NPAS3: variants seen among roughly 807,000 people sequenced by gnomAD.
The protein encoded by NPAS3 is neuronal PAS domain-containing protein 3.
NPAS3 carries 14 observed loss-of-function variants against 73.1 expected under a neutral mutation model. The observed-to-expected ratio is 0.19, with a 90% CI of 0.13 to 0.30. The LOEUF (loss-of-function observed/expected upper bound fraction) is 0.30. Ranked by LOEUF, NPAS3 falls within the 10% of genes least tolerant of loss-of-function variation. The pLI, the probability that NPAS3 is intolerant of heterozygous loss-of-function variation, is 1.00. For missense variants in NPAS3, 1,096 were observed against 1,250.0 expected (o/e 0.88, Z 1.86); for synonymous variants, 620 against 541.5 (o/e 1.14, Z -2.01).
At chr14:33,660,965 T>C (rs2059288427) in intron 5 of NPAS3, among the ~76,000 whole-genome samples, 1 of 152,204 alleles carries the variant, frequency 6.6e-6, no homozygotes, top group Non-Finnish European at 1.5e-5. Flanking sequence ...AGCTGATATG[T>C]GTTAAGAGTC....
chr14:33,115,958 A>G (rs1874139701), intron 2 of NPAS3, among the ~76,000 whole-genome samples: 1 of 151,868 alleles, frequency 6.6e-6, no homozygotes, highest in Non-Finnish European at 1.5e-5. Flanking sequence ...ATTTTGGGAG[A>G]CTCCAAGGTC....
chr14:33,272,853 C>T (rs113317265), intron 3 of NPAS3, among the ~76,000 whole-genome samples: 484 of 152,282 alleles, frequency 3.2e-3, no homozygotes, highest in African/African-American at 0.011. Flanking sequence ...GGTAGTGATA[C>T]TGACAGTTTT....
intron 4 of NPAS3, among the ~76,000 whole-genome samples, chr14:33,496,228 T>C (rs947828900): frequency 6.6e-6 from 1 of 151,882 alleles, no homozygotes; most frequent in Non-Finnish European, 1.5e-5. Flanking sequence ...CCAAAAAAAG[T>C]CCAGGACCGG....
At chr14:33,208,069 T>A (rs2046896770) in intron 2 of NPAS3, among the ~76,000 whole-genome samples, 1 of 151,248 alleles carries the variant, frequency 6.6e-6, no homozygotes, top group Non-Finnish European at 1.5e-5. Flanking sequence ...AAAGTGCAAT[T>A]TATTGGGTGG....
At chr14:33,504,910 A>G (rs901911139) in intron 4 of NPAS3, among the ~76,000 whole-genome samples, 1 of 152,050 alleles carries the variant, frequency 6.6e-6, no homozygotes, top group Non-Finnish European at 1.5e-5. Context: ...ACGGAGACAG[A>G]TAGGAATTAG....
chr14:33,101,076 C>A (rs182986001), intron 2 of NPAS3, among the ~76,000 whole-genome samples: 315 of 152,052 alleles, frequency 2.1e-3, no homozygotes, highest in African/African-American at 6.2e-3. Flanking sequence ...GGGACTAGTT[C>A]TTTGTGAAAT....
intron 3 of NPAS3, among the ~76,000 whole-genome samples, chr14:33,361,065 T>G (rs978517128): frequency 3.3e-5 from 5 of 152,180 alleles, no homozygotes; most frequent in African/African-American, 4.8e-5. Flanking sequence ...CATACAGTAT[T>G]CTTATAGTAA....
At chr14:33,332,639 A>G (rs1209795627) in intron 3 of NPAS3, among the ~76,000 whole-genome samples, 1 of 152,140 alleles carries the variant, frequency 6.6e-6, no homozygotes, top group African/African-American at 2.4e-5. Context: ...AGCTGTTTGG[A>G]TGTCTCATAC....
intron 4 of NPAS3, among the ~76,000 whole-genome samples, chr14:33,496,564 G>A (rs1378304031): frequency 2.0e-5 from 3 of 152,058 alleles, no homozygotes; most frequent in Non-Finnish European, 2.9e-5. Flanking sequence ...ATAAATAAAC[G>A]TAATCCATCA....
At chr14:33,729,946 T>C (rs961417867) in intron 6 of NPAS3, among the ~76,000 whole-genome samples, 2 of 152,210 alleles carry the variant, frequency 1.3e-5, no homozygotes, top group African/African-American at 2.4e-5. Flanking sequence ...ATTTTTACCA[T>C]GCTTGTCCTG....
At chr14:33,032,143 C>T (rs995367802) in intron 1 of NPAS3, among the ~76,000 whole-genome samples, 5 of 152,178 alleles carry the variant, frequency 3.3e-5, no homozygotes, top group African/African-American at 1.2e-4. Context: ...AGTGACTGCT[C>T]ATGGTGACCA....
intron 4 of NPAS3, among the ~76,000 whole-genome samples, chr14:33,381,796 GACA>G (rs1163254152): frequency 6.6e-6 from 1 of 152,196 alleles, no homozygotes; most frequent in Non-Finnish European, 1.5e-5. Flanking sequence ...CTGAGCAGAA[GACA>G]ACATTTTAAA....
At chr14:33,126,321 C>T (rs1014807773) in intron 2 of NPAS3, among the ~76,000 whole-genome samples, 4 of 152,146 alleles carry the variant, frequency 2.6e-5, no homozygotes, top group African/African-American at 9.7e-5. Context: ...TGTCTACTGC[C>T]TGCTGGACAG....
At chr14:33,557,813 C>CA (rs1365719371) in intron 4 of NPAS3, among the ~76,000 whole-genome samples, 7 of 152,086 alleles carry the variant, frequency 4.6e-5, no homozygotes, top group South Asian at 2.1e-4. Context: ...ACTAAAAATA[C>CA]AAAAAATTAG....
At position 33,377,259 on chromosome 14, in the gene NPAS3, G is replaced by A. The variant is rs193096308; in HGVS notation, c.468+9991G>A. On this transcript the variant is annotated intron_variant, in intron 4 of 11. Coordinates refer to ENST00000356141, the Ensembl canonical transcript of NPAS3. ...AACTTAGAAGAAACTGAAAAAGAGA[G>A]AGTTTATAAAGGGACTCCAGAATCA... Among the ~76,000 whole-genome samples the A allele has an allele frequency of 3.9e-3, 594 of 152,284 alleles. 4 individuals are homozygous for A. Among genetic ancestry groups the A allele is most frequent in the African/African-American group, 0.014 (568 of 41,566 alleles).
chr14:33,800,553 C>T lies in NPAS3; in HGVS notation c.2246C>T (p.Pro749Leu). Residue 749 changes from proline to leucine, a missense_variant, in exon 12 of 12, where the codon CCC (proline) becomes CTC (leucine). Coordinates refer to ENST00000356141, the Ensembl canonical transcript of NPAS3. This position sits in a 1 kb window ranked among gnomAD's most constrained non-coding sequence, Gnocchi z 6.5. ...CCCGTCGCCTCCGACCCGCTGTCACCCCCGCTCTCGGCGTCCCCGCGGGAC... is the reference window on the plus strand; with the variant it reads ...CCCGTCGCCTCCGACCCGCTGTCACTCCCGCTCTCGGCGTCCCCGCGGGAC... 2 of 1,334,658 alleles carry T rather than the reference C, an allele frequency of 1.5e-6. No homozygotes were observed. Among genetic ancestry groups the T allele is most frequent in the Non-Finnish European group, 1.9e-6 (2 of 1,050,886 alleles). The allele number at this position is 1,334,658 out of a possible 1,614,324, so 82.7% of individuals were successfully genotyped here. A position where few individuals can be genotyped will look rare whatever the true frequency, so the allele number is the denominator to read the frequency against.
intron 5 of NPAS3, among the ~76,000 whole-genome samples, chr14:33,615,810 T>C (rs925540846): frequency 9.9e-5 from 15 of 152,182 alleles, no homozygotes; most frequent in Admixed American, 9.8e-4. Flanking sequence ...AGAGAGTCAG[T>C]GTCTGCCCTA....
At chr14:33,281,820 TTATC>T (rs1178023281) in intron 3 of NPAS3, among the ~76,000 whole-genome samples, 1 of 152,164 alleles carries the variant, frequency 6.6e-6, no homozygotes, top group African/African-American at 2.4e-5. Flanking sequence ...TTACATTTAT[TTATC>T]TAGTAGTATG....
At chr14:33,592,939 C>G (rs1181735310) in intron 5 of NPAS3, among the ~76,000 whole-genome samples, 1 of 152,090 alleles carries the variant, frequency 6.6e-6, no homozygotes, top group Non-Finnish European at 1.5e-5. Context: ...GAAAATTTTG[C>G]AAACTTACCT....
Sources: allele counts gnomAD v4.1 joint callset (sites outside exome capture counted in the v4.1 genomes callset), GRCh38; gene constraint gnomAD v4.1.1; non-coding constraint Gnocchi (gnomAD v3.1); transcripts MANE v1.5; gene names NCBI Gene and HGNC (gene_info 2026-07-23, HGNC 2026-07-21).